SGCD: variants seen among roughly 807,000 people sequenced by gnomAD.
SGCD encodes the protein sarcoglycan delta, also known as delta-sarcoglycan.
A neutral mutation model predicts 36.6 loss-of-function variants in SGCD; 18 were observed. That is an observed-to-expected ratio of 0.49 (90% CI 0.34 to 0.73). The LOEUF is 0.73. SGCD is among the 30% of genes least tolerant of loss of function. The pLI is 0.01. For missense variants in SGCD, 387 were observed against 346.7 expected (o/e 1.12, Z -0.92); for synonymous variants, 133 against 130.6 (o/e 1.02, Z -0.12).
At chr5:155,770,653 T>C in the SGCD span, among the ~76,000 whole-genome samples, 2 of 152,236 alleles carry the variant, frequency 1.3e-5, no homozygotes, top group African/African-American at 4.8e-5. Context: ...TCCAGCTTTA[T>C]CCCTTTCTGC....
intron 7 of SGCD, among the ~76,000 whole-genome samples, chr5:156,747,191 A>G (rs2113122167): frequency 6.6e-6 from 1 of 152,356 alleles, no homozygotes; most frequent in African/African-American, 2.4e-5. Flanking sequence ...ATAATTAAAA[A>G]GACCCTCAAC....
In SGCD at chr5:156,759,660, TCCATC is replaced by T. The variant is rs1757463704; in HGVS notation, c.*278_*282del. ...GACCCTGCGATATCCACTGTCATTT[TCCATC>T]CCATCCCCACCACCTGAGTGACAGA... On this transcript the variant is annotated 3_prime_UTR_variant, in exon 9 of 9. Coordinates refer to ENST00000337851, the MANE Select transcript of SGCD (RefSeq NM_000337.6). The T allele has an allele frequency of 1.3e-5, 2 of 153,534 alleles. No homozygotes were observed. Among genetic ancestry groups the T allele is most frequent in the African/African-American group, 2.4e-5 (1 of 41,558 alleles). The allele number at this position is 153,534 out of a possible 1,614,324, so 9.5% of individuals were successfully genotyped here. A position where few individuals can be genotyped will look rare whatever the true frequency, so the allele number is the denominator to read the frequency against.
intron 3 of SGCD, among the ~76,000 whole-genome samples, chr5:156,376,537 C>T (rs980087708): frequency 2.6e-5 from 4 of 152,164 alleles, no homozygotes; most frequent in Admixed American, 2.6e-4. Flanking sequence ...TATGTTATCT[C>T]ACATTGACCC....
intron 7 of SGCD, among the ~76,000 whole-genome samples, chr5:156,730,414 CT>C (rs1755998725): frequency 6.6e-6 from 1 of 152,124 alleles, no homozygotes. Context: ...TGTTGTTCCC[CT>C]GTATGTATCC....
intron 3 of SGCD, among the ~76,000 whole-genome samples, chr5:156,252,896 T>C (rs2127661773): frequency 6.6e-6 from 1 of 152,308 alleles, no homozygotes; most frequent in African/African-American, 2.4e-5. Context: ...AGTTAGAAAC[T>C]GACACACAGT....
At chr5:156,551,556 GCA>G (rs1196607266) in intron 4 of SGCD, among the ~76,000 whole-genome samples, 4 of 151,974 alleles carry the variant, frequency 2.6e-5, no homozygotes, top group Non-Finnish European at 5.9e-5. Flanking sequence ...ACAGTACTTG[GCA>G]CATGGTGAAA....
At chr5:156,119,153 C>T (rs1404741704) in intron 2 of SGCD, among the ~76,000 whole-genome samples, 4 of 152,134 alleles carry the variant, frequency 2.6e-5, no homozygotes, top group Non-Finnish European at 4.4e-5. Flanking sequence ...TTACTATTCT[C>T]AGCAGAGACT....
At chr5:155,789,136 C>T in the SGCD span, among the ~76,000 whole-genome samples, 64 of 152,156 alleles carry the variant, frequency 4.2e-4, no homozygotes, top group African/African-American at 1.3e-3. Context: ...TAGCTGGAGA[C>T]CAGGGAGTTA....
chr5:156,021,426 G>A (rs974306254), intron 1 of SGCD, among the ~76,000 whole-genome samples: 3 of 152,114 alleles, frequency 2.0e-5, no homozygotes, highest in Non-Finnish European at 2.9e-5. Flanking sequence ...AAGTTAAGGT[G>A]GGAGGATCGC....
At chr5:156,685,524 C>T (rs1753872238) in intron 7 of SGCD, among the ~76,000 whole-genome samples, 1 of 152,122 alleles carries the variant, frequency 6.6e-6, no homozygotes, top group Non-Finnish European at 1.5e-5. Context: ...CATCAGCAAT[C>T]CTGATGAGCA....
chr5:156,334,629 T>G (rs1428760198), intron 2 of SGCD, among the ~76,000 whole-genome samples: 3 of 116,940 alleles, frequency 2.6e-5, no homozygotes, highest in Non-Finnish European at 3.7e-5. Context: ...TTTTTTTTTT[T>G]GGCTTTTTTT....
chr5:155,789,333 G>T, the SGCD span, among the ~76,000 whole-genome samples: 2 of 152,014 alleles, frequency 1.3e-5, no homozygotes, highest in South Asian at 2.1e-4. Flanking sequence ...ATTGAAATTT[G>T]CATTGAACTA....
chr5:156,580,610 T>C (rs1760213120), intron 4 of SGCD, among the ~76,000 whole-genome samples: 1 of 152,204 alleles, frequency 6.6e-6, no homozygotes. Context: ...CTTTACTCTT[T>C]TTTCTCTAAA....
the SGCD span, among the ~76,000 whole-genome samples, chr5:155,798,134 C>A: frequency 6.6e-6 from 1 of 152,184 alleles, no homozygotes; most frequent in South Asian, 2.1e-4. Context: ...TGCCTATAAA[C>A]CACACAGATT....
chr5:156,353,512 T>C (rs772636658), intron 3 of SGCD, among the ~76,000 whole-genome samples: 24 of 152,318 alleles, frequency 1.6e-4, no homozygotes, highest in Middle Eastern at 3.4e-3. Flanking sequence ...CTAGCTAATA[T>C]ACAGATTTGC....
At chr5:156,737,910 C>T (rs529380227) in intron 7 of SGCD, among the ~76,000 whole-genome samples, 4 of 152,304 alleles carry the variant, frequency 2.6e-5, no homozygotes, top group East Asian at 1.9e-4. Flanking sequence ...CAGGCATCTC[C>T]TCCTAATCCA....
intron 3 of SGCD, among the ~76,000 whole-genome samples, chr5:156,140,940 G>A (rs1226028440): frequency 6.6e-6 from 1 of 152,114 alleles, no homozygotes; most frequent in Non-Finnish European, 1.5e-5. Flanking sequence ...AGGGCCCTGG[G>A]GCAGAACAGT....
chr5:156,502,148 G>A (rs1339270153), intron 3 of SGCD, among the ~76,000 whole-genome samples: 1 of 151,520 alleles, frequency 6.6e-6, no homozygotes, highest in Non-Finnish European at 1.5e-5. Flanking sequence ...CTGTGTTCAC[G>A]CCATTCTCCT....
intron 7 of SGCD, among the ~76,000 whole-genome samples, chr5:156,699,972 G>A (rs190618316): frequency 2.3e-4 from 34 of 149,090 alleles, no homozygotes; most frequent in Admixed American, 2.3e-3. Context: ...GTGTTTAGTG[G>A]GAGCAGAGGA....
Sources: gnomAD v4.1 joint callset for allele counts (sites outside exome capture counted in the v4.1 genomes callset) on GRCh38, gnomAD v4.1.1 for gene constraint, MANE v1.5 for transcripts, NCBI Gene and HGNC (gene_info 2026-07-23, HGNC 2026-07-21) for gene names.